TASP1: variants seen among roughly 807,000 people sequenced by gnomAD.
The protein encoded by TASP1 is threonine aspartase 1.
Under a neutral mutation model 56.6 loss-of-function variants are expected in TASP1, and 16 were observed. The ratio of observed to expected loss-of-function variants is 0.28; its 90% CI spans 0.19 to 0.43. The LOEUF is 0.43. Among genes scored for constraint, TASP1 ranks in the 20% least tolerant of loss-of-function variants. The pLI is 1.00. For synonymous variants in TASP1, 179 were observed against 184.2 expected, an observed-to-expected ratio of 0.97 and a Z score of 0.23; for missense variants, 393 against 511.6, an observed-to-expected ratio of 0.77 and a Z score of 2.24.
the TASP1 span, among the ~76,000 whole-genome samples, chr20:13,274,677 C>CA: frequency 6.6e-6 from 1 of 151,168 alleles, no homozygotes. Context: ...CCCGCCCCCC[C>CA]CGCGCCCGGC....
the TASP1 span, among the ~76,000 whole-genome samples, chr20:13,297,251 A>G: frequency 1.8e-3 from 278 of 152,234 alleles, 1 homozygote; most frequent in African/African-American, 6.2e-3. Context: ...ACTGTTTTCC[A>G]GGATCACAGG....
chr20:13,499,594 T>A (rs1217591819), intron 10 of TASP1, among the ~76,000 whole-genome samples: 1 of 151,970 alleles, frequency 6.6e-6, no homozygotes, highest in Non-Finnish European at 1.5e-5. Context: ...CTTATGACCA[T>A]AAAGGGGCAA....
rs369087494 is a variant in TASP1, at chr20:13,419,237, G to GA, written c.1097-1717dup. ...CCAATTCACTCTCAAATAGTTCAGG[G>GA]AAAAAAATGCACTTATTTGTTTGTG... On this transcript the variant is annotated intron_variant, in intron 12 of 13. Transcript: ENST00000337743. Among the ~76,000 whole-genome samples, 500 of 152,112 alleles carry GA rather than the reference G, an allele frequency of 3.3e-3. 2 individuals are homozygous for GA. The highest frequency in any genetic ancestry group is 0.01 in the East Asian group (53 of 5,172).
the TASP1 span, among the ~76,000 whole-genome samples, chr20:13,272,484 A>G: frequency 2.6e-5 from 4 of 152,358 alleles, no homozygotes; most frequent in Middle Eastern, 3.4e-3. Context: ...TGGAGGGATC[A>G]TGAAGACAGA....
chr20:13,227,452 C>G, the TASP1 span, among the ~76,000 whole-genome samples: 6 of 151,452 alleles, frequency 4.0e-5, no homozygotes, highest in Non-Finnish European at 8.8e-5. Context: ...ATCTGCCCGC[C>G]TCGACCTCCC....
the TASP1 span, among the ~76,000 whole-genome samples, chr20:13,158,657 C>A: frequency 6.6e-6 from 1 of 152,182 alleles, no homozygotes; most frequent in Non-Finnish European, 1.5e-5. Context: ...GCTTTCTCAG[C>A]TAGAAAGCTT....
chr20:13,279,795 C>T, the TASP1 span: 12 of 1,614,016 alleles, frequency 7.4e-6, no homozygotes, highest in African/African-American at 4.0e-5. Flanking sequence ...ACTACAAGTA[C>T]GACAGTACCT....
intron 10 of TASP1, among the ~76,000 whole-genome samples, chr20:13,523,861 A>C (rs1480876710): frequency 3.3e-5 from 5 of 152,180 alleles, no homozygotes; most frequent in Non-Finnish European, 7.4e-5. Context: ...TTCTGATCTT[A>C]GTCAATTGCC....
chr20:13,158,766 C>T, the TASP1 span, among the ~76,000 whole-genome samples: 1 of 152,178 alleles, frequency 6.6e-6, no homozygotes, highest in Non-Finnish European at 1.5e-5. Context: ...GTCCTGCAGT[C>T]TCCATTGCTT....
At chr20:13,524,891 G>A (rs2044912663) in intron 10 of TASP1, among the ~76,000 whole-genome samples, 2 of 152,150 alleles carry the variant, frequency 1.3e-5, no homozygotes, top group South Asian at 4.1e-4. Context: ...TTTAAAATGT[G>A]TTCAGAAGGA....
the TASP1 span, among the ~76,000 whole-genome samples, chr20:13,151,534 A>G: frequency 6.6e-6 from 1 of 152,172 alleles, no homozygotes; most frequent in East Asian, 1.9e-4. Flanking sequence ...CATCCTTGAG[A>G]ACTGGAGTTG....
chr20:13,583,745 T>C (rs924182848), intron 5 of TASP1, among the ~76,000 whole-genome samples: 7 of 152,198 alleles, frequency 4.6e-5, no homozygotes, highest in African/African-American at 1.2e-4. Flanking sequence ...GATAAAAGCA[T>C]AGGCCTCATA....
chr20:13,427,664 G>A (rs2042664903), intron 12 of TASP1, among the ~76,000 whole-genome samples: 1 of 152,098 alleles, frequency 6.6e-6, no homozygotes, highest in South Asian at 2.1e-4. Flanking sequence ...GCCCACATAG[G>A]GGCTTCAAAC....
intron 10 of TASP1, among the ~76,000 whole-genome samples, chr20:13,492,851 G>A (rs2043584936): frequency 1.3e-5 from 2 of 152,124 alleles, no homozygotes; most frequent in African/African-American, 2.4e-5. Context: ...TTACAAAGTA[G>A]GGTGTGATTG....
the TASP1 span, among the ~76,000 whole-genome samples, chr20:13,175,069 G>A: frequency 1.3e-5 from 2 of 152,298 alleles, no homozygotes; most frequent in East Asian, 3.9e-4. Flanking sequence ...ATGTGGAACT[G>A]TGAGTCAATT....
chr20:13,606,136 C>CGTGT (rs33951824), intron 4 of TASP1, among the ~76,000 whole-genome samples: 6 of 150,412 alleles, frequency 4.0e-5, no homozygotes, highest in Non-Finnish European at 8.9e-5. Flanking sequence ...TGTGTGCGTG[C>CGTGT]GTGTGTGTGT....
At chr20:13,219,617 A>T in the TASP1 span, among the ~76,000 whole-genome samples, 1 of 152,130 alleles carries the variant, frequency 6.6e-6, no homozygotes. Context: ...AATAATGAAA[A>T]GGAAAAAATA....
chr20:13,611,666 T>C (rs1392399535), intron 4 of TASP1, among the ~76,000 whole-genome samples: 1 of 152,152 alleles, frequency 6.6e-6, no homozygotes, highest in Non-Finnish European at 1.5e-5. Flanking sequence ...CAAAAGCTAA[T>C]AATCTCTGTC....
the TASP1 span, among the ~76,000 whole-genome samples, chr20:13,226,131 C>T: frequency 6.6e-6 from 1 of 152,076 alleles, no homozygotes; most frequent in Non-Finnish European, 1.5e-5. Flanking sequence ...AACATTAAAG[C>T]AAACCAAACT....
Sources: allele counts gnomAD v4.1 joint callset (sites outside exome capture counted in the v4.1 genomes callset), GRCh38; gene constraint gnomAD v4.1.1; transcripts MANE v1.5; gene names NCBI Gene and HGNC (gene_info 2026-07-23, HGNC 2026-07-21).